GPC6: variants seen among roughly 807,000 people sequenced by gnomAD.
The protein encoded by GPC6 is glypican-6.
Under a neutral mutation model 55.2 loss-of-function variants are expected in GPC6, and 14 were observed. That is an observed-to-expected ratio of 0.25 (90% confidence interval 0.17 to 0.40). GPC6 has a LOEUF of 0.40. Among genes scored for constraint, GPC6 ranks in the 10% least tolerant of loss-of-function variants. The pLI is 1.00. For synonymous variants in GPC6, 278 were observed against 259.6 expected, an observed-to-expected ratio of 1.07 and a Z score of -0.68; for missense variants, 641 against 708.5, an observed-to-expected ratio of 0.90 and a Z score of 1.08.
intron 1 of GPC6, among the ~76,000 whole-genome samples, chr13:93,313,527 T>A (rs1459822257): frequency 6.6e-6 from 1 of 152,196 alleles, no homozygotes; most frequent in African/African-American, 2.4e-5. Context: ...TTTTATTGAA[T>A]AATTAATATG....
intron 2 of GPC6, among the ~76,000 whole-genome samples, chr13:93,816,602 CT>C: frequency 6.7e-6 from 1 of 148,488 alleles, no homozygotes. Flanking sequence ...ACTTTTAGGT[CT>C]TTTAAGTTAA....
chr13:93,820,957 C>G (rs574016538), intron 2 of GPC6, among the ~76,000 whole-genome samples: 22 of 152,090 alleles, frequency 1.4e-4, no homozygotes, highest in Non-Finnish European at 3.2e-4. Flanking sequence ...AGAAAAGGAA[C>G]TTTTATTCTA....
chr13:93,387,987 A>G (rs1321933078), intron 1 of GPC6, among the ~76,000 whole-genome samples: 20 of 152,116 alleles, frequency 1.3e-4, no homozygotes, highest in Admixed American at 1.3e-3. Flanking sequence ...CTGAACGATC[A>G]TCCTGTATAT....
chr13:93,418,777 A>G, intron 1 of GPC6, among the ~76,000 whole-genome samples: 1 of 151,562 alleles, frequency 6.6e-6, no homozygotes, highest in East Asian at 1.9e-4. Flanking sequence ...TATTAATGGC[A>G]CTATACCATA....
intron 1 of GPC6, among the ~76,000 whole-genome samples, chr13:93,534,717 T>C (rs997500894): frequency 5.9e-5 from 9 of 152,242 alleles, no homozygotes; most frequent in Non-Finnish European, 1.3e-4. Flanking sequence ...GAAAGAGGCA[T>C]GCAGAGTGAG....
chr13:93,288,107 T>C, intron 1 of GPC6, among the ~76,000 whole-genome samples: 1 of 152,188 alleles, frequency 6.6e-6, no homozygotes, highest in East Asian at 1.9e-4. Flanking sequence ...GAGGTTCTCA[T>C]ATTCCAATCC....
chr13:93,492,382 A>G (rs1880052416), intron 1 of GPC6, among the ~76,000 whole-genome samples: 1 of 145,168 alleles, frequency 6.9e-6, no homozygotes, highest in African/African-American at 2.6e-5. Context: ...GTATCCTGAG[A>G]CTTTGCTGAA....
chr13:93,942,085 A>T (rs781011970), intron 3 of GPC6, among the ~76,000 whole-genome samples: 4 of 152,194 alleles, frequency 2.6e-5, no homozygotes, highest in Admixed American at 6.5e-5. Context: ...TTTTTACTAC[A>T]TAAGAAAAAT....
chr13:94,395,065 G>A (rs1307605959), intron 7 of GPC6, among the ~76,000 whole-genome samples: 2 of 152,122 alleles, frequency 1.3e-5, no homozygotes, highest in East Asian at 1.9e-4. Flanking sequence ...TGCCAGAATC[G>A]ACCATCACCT....
At chr13:94,283,286 G>A (rs1286105233) in intron 4 of GPC6, among the ~76,000 whole-genome samples, 2 of 152,170 alleles carry the variant, frequency 1.3e-5, no homozygotes, top group Non-Finnish European at 2.9e-5. Flanking sequence ...TCATTTCATT[G>A]TGCCTACCAC....
At chr13:94,064,783 GAAT>G (rs1160147270) in intron 4 of GPC6, among the ~76,000 whole-genome samples, 3 of 152,110 alleles carry the variant, frequency 2.0e-5, no homozygotes, top group African/African-American at 7.2e-5. Flanking sequence ...TCTCTTGCCT[GAAT>G]CCCTGACACA....
At chr13:93,620,399 G>A (rs968758696) in intron 2 of GPC6, among the ~76,000 whole-genome samples, 2 of 152,096 alleles carry the variant, frequency 1.3e-5, no homozygotes, top group African/African-American at 4.8e-5. Context: ...AATTTACTAT[G>A]TTAGTTATAT....
chr13:94,035,953 G>A (rs1883318453), intron 4 of GPC6, among the ~76,000 whole-genome samples: 1 of 151,976 alleles, frequency 6.6e-6, no homozygotes, highest in African/African-American at 2.4e-5. Flanking sequence ...TTATAAAAGA[G>A]ACTGCTGTAA....
At chr13:93,629,047 A>C (rs200628531) in intron 2 of GPC6, among the ~76,000 whole-genome samples, 1 of 51,110 alleles carries the variant, frequency 2.0e-5, no homozygotes, top group African/African-American at 4.8e-5. Context: ...AAAAAAAAAA[A>C]ACAAAAAAAA....
At chr13:93,825,145 G>A (rs911356770) in intron 2 of GPC6, among the ~76,000 whole-genome samples, 1 of 152,158 alleles carries the variant, frequency 6.6e-6, no homozygotes, top group Non-Finnish European at 1.5e-5. Flanking sequence ...GCAGGTGGGG[G>A]TAAGGAAGGG....
intron 1 of GPC6, among the ~76,000 whole-genome samples, chr13:93,378,996 G>GGA (rs1555295241): frequency 7.3e-6 from 1 of 136,986 alleles, no homozygotes; most frequent in Non-Finnish European, 1.5e-5. Flanking sequence ...CTCCATCTCA[G>GGA]AAAAAAAAAA....
intron 3 of GPC6, among the ~76,000 whole-genome samples, chr13:93,901,954 A>G (rs1019331484): frequency 6.6e-6 from 1 of 151,920 alleles, no homozygotes; most frequent in Admixed American, 6.6e-5. Flanking sequence ...TAATAATTAT[A>G]CATATGTATG....
At chr13:94,258,515 T>G (rs893824787) in intron 4 of GPC6, among the ~76,000 whole-genome samples, 6 of 152,248 alleles carry the variant, frequency 3.9e-5, no homozygotes, top group African/African-American at 1.4e-4. Context: ...AATATGATGT[T>G]GCTTTTTCTA....
chr13:93,265,891 G>A (rs1328366), intron 1 of GPC6, among the ~76,000 whole-genome samples: 25,532 of 151,344 alleles, frequency 0.17, 2,276 homozygotes, highest in Middle Eastern at 0.23. Flanking sequence ...AGGAGCCACC[G>A]CAGCTCTCAA....
Sources: allele counts gnomAD v4.1 joint callset (sites outside exome capture counted in the v4.1 genomes callset), GRCh38; gene constraint gnomAD v4.1.1; transcripts MANE v1.5; gene names NCBI Gene and HGNC (gene_info 2026-07-23, HGNC 2026-07-21).